Variants in PAK1 observed in about 807,000 individuals in gnomAD.
PAK1 encodes p21 (RAC1) activated kinase 1.
PAK1 carries 29 observed loss-of-function variants against 67.4 expected under a neutral mutation model. The observed-to-expected ratio is 0.43, with a 90% CI of 0.32 to 0.59. PAK1 has a LOEUF of 0.59. Ranked by LOEUF, PAK1 falls within the 20% of genes least tolerant of loss-of-function variation. The pLI is 0.07. For missense variants in PAK1, 337 were observed against 670.7 expected (o/e 0.50, Z 5.50); for synonymous variants, 223 against 237.4 (o/e 0.94, Z 0.56).
At chr11:77,435,306 C>A (rs958659551) in intron 1 of PAK1, among the ~76,000 whole-genome samples, 7 of 152,070 alleles carry the variant, frequency 4.6e-5, no homozygotes, top group Non-Finnish European at 1.0e-4. Flanking sequence ...AAGGGTCAGT[C>A]AAGTTGAGGT....
rs561690570 is a variant in PAK1 at position 77,322,848 on chromosome 11, G to A, written c.*426C>T. ...TCAAGTACAATGAGGTGTCTGGGCA[G>A]TTGAGTCACAGAAAAGCAAGCACTA... On this transcript the variant is annotated 3_prime_UTR_variant, in exon 15 of 15. Transcript: ENST00000356341. The A allele has an allele frequency of 5.0e-5, 24 of 477,614 alleles. No individual in the cohort carries two copies. Among genetic ancestry groups the A allele is most frequent in the Non-Finnish European group, 7.8e-5 (21 of 268,204 alleles). The allele number at this position is 477,614 out of a possible 1,614,324, so 29.6% of individuals were successfully genotyped here. A position where few individuals can be genotyped will look rare whatever the true frequency, so the allele number is the denominator to read the frequency against.
At chr11:77,434,478 T>C (rs1956018313) in intron 1 of PAK1, among the ~76,000 whole-genome samples, 1 of 151,884 alleles carries the variant, frequency 6.6e-6, no homozygotes, top group Non-Finnish European at 1.5e-5. Flanking sequence ...GGGGTATTGC[T>C]ATGTCACCCC....
the PAK1 span, among the ~76,000 whole-genome samples, chr11:77,498,036 T>C: frequency 4.6e-5 from 7 of 152,190 alleles, no homozygotes; most frequent in South Asian, 2.1e-4. Flanking sequence ...TTTTATATTA[T>C]TTCATTTTTT....
chr11:77,465,810 C>CT (rs1198911002), intron 1 of PAK1, among the ~76,000 whole-genome samples: 1 of 152,038 alleles, frequency 6.6e-6, no homozygotes, highest in East Asian at 1.9e-4. Context: ...ATTAGCTGGG[C>CT]TTAGTAGCAT....
chr11:77,354,367 T>A (rs1389686259), intron 7 of PAK1, among the ~76,000 whole-genome samples: 1 of 152,158 alleles, frequency 6.6e-6, no homozygotes, highest in Non-Finnish European at 1.5e-5. Context: ...GAATTGGTAC[T>A]TTTCACATAT....
chr11:77,334,999 A>G (rs771285306), intron 13 of PAK1, among the ~76,000 whole-genome samples: 4 of 152,124 alleles, frequency 2.6e-5, no homozygotes, highest in Non-Finnish European at 4.4e-5. Flanking sequence ...TAACCTATCA[A>G]TCACATTTGA....
chr11:77,324,750 T>TACACAC (rs142981945), intron 14 of PAK1, among the ~76,000 whole-genome samples: 4,928 of 140,756 alleles, frequency 0.035, 108 homozygotes, highest in Non-Finnish European at 0.049. Context: ...TATATATGTA[T>TACACAC]ACACACACAC....
In PAK1 at chr11:77,355,680, A is replaced by G; in HGVS notation, c.760T>C (p.Leu254=). ...ACAAATTCCTTACGTAATTTCTCCA[A>G]GATCTCCTCATCAGACATTTTAGGC... is the stretch of plus-strand genomic sequence containing the variant. ...KKPKMSDEEI[L]EKLRSIVSVG... Residue 254 remains leucine, a synonymous_variant, in exon 7 of 15, where the codon TTG becomes CTG. Coordinates refer to ENST00000356341, the MANE Select transcript of PAK1 (RefSeq NM_002576.5). 6.2e-7 allele frequency: 1 copy of G among 1,613,042 alleles called. No individual in the cohort carries two copies. The highest frequency in any genetic ancestry group is 8.5e-7 in the Non-Finnish European group (1 of 1,179,156).
chr11:77,427,586 C>T (rs982818111), intron 1 of PAK1, among the ~76,000 whole-genome samples: 6 of 152,146 alleles, frequency 3.9e-5, no homozygotes, highest in African/African-American at 1.4e-4. Flanking sequence ...GCTGTGGTAA[C>T]TTCACCATCC....
intron 2 of PAK1, among the ~76,000 whole-genome samples, chr11:77,387,501 A>G (rs1950602001): frequency 6.6e-6 from 1 of 152,260 alleles, no homozygotes; most frequent in African/African-American, 2.4e-5. Context: ...CAGCTCTCCC[A>G]CTTTCCACTT....
intron 1 of PAK1, among the ~76,000 whole-genome samples, chr11:77,393,945 G>T (rs953759427): frequency 6.6e-6 from 1 of 152,198 alleles, no homozygotes; most frequent in African/African-American, 2.4e-5. Context: ...AAAGGCTGCA[G>T]TGAACCAAGA....
upstream of PAK1, among the ~76,000 whole-genome samples, chr11:77,478,276 T>C (rs1958081712): frequency 6.6e-6 from 1 of 152,202 alleles, no homozygotes; most frequent in Admixed American, 6.5e-5. Context: ...TATTTCACTT[T>C]ATAAGAAATT....
At chr11:77,385,400 A>G (rs989449153) in intron 2 of PAK1, among the ~76,000 whole-genome samples, 1 of 152,260 alleles carries the variant, frequency 6.6e-6, no homozygotes, top group Non-Finnish European at 1.5e-5. Context: ...AATAATTAAT[A>G]AATTTGACCA....
chr11:77,345,769 T>C (rs1944323138), intron 9 of PAK1, among the ~76,000 whole-genome samples: 1 of 152,158 alleles, frequency 6.6e-6, no homozygotes, highest in African/African-American at 2.4e-5. Context: ...AAAAGCAACA[T>C]GTTGATCTAA....
At chr11:77,373,612 A>T (rs551069504) in intron 5 of PAK1, among the ~76,000 whole-genome samples, 4 of 150,864 alleles carry the variant, frequency 2.7e-5, no homozygotes, top group Admixed American at 2.0e-4. Flanking sequence ...ATCACATTTT[A>T]CTATTTATAG....
chr11:77,422,608 T>C (rs1955331065), intron 1 of PAK1, among the ~76,000 whole-genome samples: 1 of 151,520 alleles, frequency 6.6e-6, no homozygotes, highest in Admixed American at 6.6e-5. Flanking sequence ...CTAATCAATA[T>C]CCATTCATCC....
chr11:77,365,515 A>G (rs1022034674), intron 5 of PAK1, among the ~76,000 whole-genome samples: 1 of 151,902 alleles, frequency 6.6e-6, no homozygotes, highest in African/African-American at 2.4e-5. Context: ...ACCTCGATAA[A>G]TCCCAAAGTA....
rs568877265 is a variant in PAK1, at chr11:77,459,804, T to C, written c.-22+13748A>G. 2.7e-3 allele frequency among the ~76,000 whole-genome samples: 383 copies of C among 140,712 alleles called. 6 individuals carry two copies. The highest frequency in any genetic ancestry group is 2.1e-4 in the Non-Finnish European group (13 of 61,228). The allele number at this position is 140,712 out of a possible 152,430, so 92.3% of individuals were successfully genotyped here. On this transcript the variant is annotated intron_variant, in intron 1 of 14. Coordinates refer to ENST00000356341, the MANE Select transcript of PAK1 (RefSeq NM_002576.5). ...GCCTCCCGGGTTCACGCCATTCTCC[T>C]GCCTGAGCCACCCCCGCGAGCAGCT...
intron 4 of PAK1, among the ~76,000 whole-genome samples, chr11:77,375,728 G>A (rs908113421): frequency 1.3e-5 from 2 of 152,154 alleles, no homozygotes; most frequent in African/African-American, 4.8e-5. Flanking sequence ...TTAAAGACCA[G>A]GTAATGTCTT....
Sources: allele counts gnomAD v4.1 joint callset (sites outside exome capture counted in the v4.1 genomes callset), GRCh38; gene constraint gnomAD v4.1.1; transcripts MANE v1.5; gene names NCBI Gene and HGNC (gene_info 2026-07-23, HGNC 2026-07-21).